The following SLC49A4 variants were observed in gnomAD, a reference collection of about 807,000 sequenced individuals.
SLC49A4 encodes the protein disrupted in renal cancer protein 2.
A neutral mutation model predicts 50.6 loss-of-function variants in SLC49A4; 36 were observed. That is an observed-to-expected ratio of 0.71 (90% CI 0.55 to 0.94). SLC49A4 has a LOEUF of 0.94. SLC49A4 is among the 40% of genes least tolerant of loss of function. The probability of loss-of-function intolerance (pLI) is 0.00; values close to 1 mark genes in which losing one functional copy is unlikely to be tolerated. For synonymous variants in SLC49A4, 248 were observed against 241.2 expected, an observed-to-expected ratio of 1.03 and a Z score of -0.26; for missense variants, 503 against 605.7, an observed-to-expected ratio of 0.83 and a Z score of 1.78.
chr3:122,837,917 CA>C (rs1442566857), intron 4 of SLC49A4, among the ~76,000 whole-genome samples: 3 of 152,154 alleles, frequency 2.0e-5, no homozygotes, highest in African/African-American at 7.2e-5. Flanking sequence ...AGACACTTCT[CA>C]AAAGAAGACA....
chr3:122,871,360 A>T (rs538721337), intron 7 of SLC49A4, among the ~76,000 whole-genome samples: 19 of 152,202 alleles, frequency 1.2e-4, no homozygotes, highest in Middle Eastern at 3.4e-3. Context: ...CAACAGTGTC[A>T]TGGACTGTTA....
intron 5 of SLC49A4, 52 bp from the exon 6 acceptor site, chr3:122,856,255 A>T: frequency 1.9e-6 from 3 of 1,573,460 alleles, no homozygotes; most frequent in Admixed American, 1.8e-5. Flanking sequence ...CATTCCTTTT[A>T]TATTGCAGTA....
intron 2 of SLC49A4, among the ~76,000 whole-genome samples, chr3:122,813,289 ACT>A (rs1394356701): frequency 6.7e-5 from 10 of 148,918 alleles, no homozygotes; most frequent in African/African-American, 2.5e-4. Flanking sequence ...GTTTTGGAAA[ACT>A]CTTTTTTTAA....
intron 4 of SLC49A4, among the ~76,000 whole-genome samples, chr3:122,837,455 T>C (rs2107570092): frequency 6.6e-6 from 1 of 152,216 alleles, no homozygotes; most frequent in East Asian, 1.9e-4. Context: ...AAACAAGCAA[T>C]GGGGACAGGA....
intron 3 of SLC49A4, among the ~76,000 whole-genome samples, chr3:122,829,777 C>T (rs1936584827): frequency 6.6e-6 from 1 of 152,124 alleles, no homozygotes; most frequent in African/African-American, 2.4e-5. Flanking sequence ...CATCACATTT[C>T]ACTTCTAGGG....
intron 1 of SLC49A4, 41 bp downstream of exon 1, chr3:122,795,576 C>T (rs919199274): frequency 5.8e-6 from 9 of 1,549,684 alleles, no homozygotes; most frequent in Non-Finnish European, 6.0e-6. Context: ...GTCTCTCCTC[C>T]GGGAGCAGGC....
intron 4 of SLC49A4, among the ~76,000 whole-genome samples, chr3:122,841,665 A>G (rs889471688): frequency 6.6e-6 from 1 of 152,376 alleles, no homozygotes; most frequent in African/African-American, 2.4e-5. Flanking sequence ...TTCAAATGCT[A>G]TGTAATATTG....
At chr3:122,820,881 G>T (rs1253912764) in intron 2 of SLC49A4, among the ~76,000 whole-genome samples, 1 of 152,216 alleles carries the variant, frequency 6.6e-6, no homozygotes, top group Non-Finnish European at 1.5e-5. Flanking sequence ...CTCTGCCAAT[G>T]CAGGAGAAGT....
At chr3:122,860,242 C>A in intron 7 of SLC49A4, 40 bp downstream of exon 7, 1 of 1,540,384 alleles carries the variant, frequency 6.5e-7, no homozygotes, top group South Asian at 1.3e-5. Context: ...TAAATATTTT[C>A]ATTCACAGAA....
intron 5 of SLC49A4, among the ~76,000 whole-genome samples, chr3:122,851,993 C>CT (rs368287566): frequency 0.091 from 11,679 of 128,016 alleles, 661 homozygotes; most frequent in East Asian, 0.13. Context: ...ATCTTTGATT[C>CT]TTTTTTTTTT....
Position 122,879,517 on chromosome 3 carries a change from A to T in SLC49A4, c.*139A>T, listed in dbSNP as rs1937307594. The T allele has an allele frequency of 1.5e-6, 1 of 657,016 alleles. No homozygotes were observed. Among genetic ancestry groups the T allele is most frequent in the Non-Finnish European group, 2.6e-6 (1 of 380,252 alleles). 40.7% of individuals were successfully genotyped at this position (657,016 alleles called of 1,614,324 possible). On this transcript the variant is annotated 3_prime_UTR_variant, in exon 9 of 9. Transcript: ENST00000261038. ...CAGAGGTTTTGTTAGGTTACAGATTATCACATTAATTTAATTACTACTAGG... is the reference window on the plus strand; with the variant it reads ...CAGAGGTTTTGTTAGGTTACAGATTTTCACATTAATTTAATTACTACTAGG...
At chr3:122,829,623 G>GC (rs1295822079) in intron 3 of SLC49A4, among the ~76,000 whole-genome samples, 1 of 152,198 alleles carries the variant, frequency 6.6e-6, no homozygotes, top group African/African-American at 2.4e-5. Flanking sequence ...GATGGCACAT[G>GC]CCTGTAATCC....
intron 8 of SLC49A4, among the ~76,000 whole-genome samples, chr3:122,876,430 C>T (rs1326256996): frequency 6.6e-6 from 1 of 151,974 alleles, no homozygotes; most frequent in African/African-American, 2.4e-5. Flanking sequence ...CTAATGGTTA[C>T]CAGGAAAACA....
At chr3:122,825,293 G>C (rs1465247510) in intron 2 of SLC49A4, among the ~76,000 whole-genome samples, 7 of 152,152 alleles carry the variant, frequency 4.6e-5, no homozygotes, top group Non-Finnish European at 2.9e-5. Flanking sequence ...GAACATTTCT[G>C]TAATAAAATT....
intron 8 of SLC49A4, among the ~76,000 whole-genome samples, chr3:122,878,212 T>A (rs1305674318): frequency 1.3e-5 from 2 of 152,210 alleles, no homozygotes; most frequent in African/African-American, 4.8e-5. Flanking sequence ...AGGGAAAATA[T>A]AAACCCATAA....
intron 6 of SLC49A4, 138 bp from the exon 7 acceptor site, chr3:122,859,937 G>C (rs1937036919): frequency 1.2e-6 from 1 of 809,660 alleles, no homozygotes; most frequent in East Asian, 3.3e-5. Context: ...AAGAAAATTT[G>C]TTTTAAAAAA....
In SLC49A4 at chr3:122,872,459, A is replaced by G. The variant is rs1230228617; in HGVS notation, c.1183A>G (p.Ser395Gly). ...TATTCTCCTGGGAGTGTTCTTGAAT[A>G]GCAGCGTGCCTATATTTTTTGAGCT... is the stretch of plus-strand genomic sequence containing the variant. ...SCILLGVFLN[S>G]SVPIFFELFV... is the part of the protein sequence containing the mutation. The change falls in exon 8 of 9, where the codon AGC (serine) becomes GGC (glycine). Residue 395 changes from serine to glycine, a missense_variant. Physicochemically the swap from Ser to Gly is moderately conservative, Grantham distance 56. Transcript: ENST00000261038. The G allele has an allele frequency of 6.2e-7, 1 of 1,614,028 alleles. No individual in the cohort carries two copies. The highest frequency in any genetic ancestry group is 2.2e-5 in the East Asian group (1 of 44,862).
At position 122,827,488 on chromosome 3, in the gene SLC49A4, A is replaced by G. The variant is rs188054054; in HGVS notation, c.703+423A>G. Among the ~76,000 whole-genome samples, 426 of 152,252 alleles carry G rather than the reference A, an allele frequency of 2.8e-3. 2 individuals are homozygous for G. Among genetic ancestry groups the G allele is most frequent in the African/African-American group, 9.4e-3 (391 of 41,542 alleles). On this transcript the variant is annotated intron_variant, in intron 3 of 8. Transcript: ENST00000261038. ...TCTCCATTATTAGCCATGTTCTGTA[A>G]CCTTATTTACCTTGATCATCTACAG...
chr3:122,822,763 G>T (rs917012568), intron 2 of SLC49A4, among the ~76,000 whole-genome samples: 1 of 151,776 alleles, frequency 6.6e-6, no homozygotes, highest in Non-Finnish European at 1.5e-5. Flanking sequence ...TTTTTAAAAT[G>T]TTGTTATTCT....
Sources: allele counts gnomAD v4.1 joint callset (sites outside exome capture counted in the v4.1 genomes callset), GRCh38; gene constraint gnomAD v4.1.1; transcripts MANE v1.5; gene names NCBI Gene and HGNC (gene_info 2026-07-23, HGNC 2026-07-21).